The following KCNJ3 variants were observed in gnomAD, a reference collection of about 807,000 sequenced individuals.
KCNJ3 encodes G protein-activated inward rectifier potassium channel 1.
A neutral mutation model predicts 39.2 loss-of-function variants in KCNJ3; 4 were observed. That is an observed-to-expected ratio of 0.10 (90% CI 0.05 to 0.23). The LOEUF is 0.23. Among genes scored for constraint, KCNJ3 ranks in the 10% least tolerant of loss-of-function variants. The probability of loss-of-function intolerance (pLI) is 1.00; values close to 1 mark genes in which losing one functional copy is unlikely to be tolerated. For synonymous variants in KCNJ3, 230 were observed against 237.4 expected (o/e 0.97, Z 0.29); for missense variants, 276 against 634.9 (o/e 0.43, Z 6.08).
In KCNJ3 at chr2:154,851,542, T is replaced by C. The variant is rs531824261; in HGVS notation, c.920-3185T>C. ...CTAGTTGATAAAGGAGAAAACAGGGTGAGAGAGCTTTAGGTAATTTTCACA... is the reference window on the plus strand; with the variant it reads ...CTAGTTGATAAAGGAGAAAACAGGGCGAGAGAGCTTTAGGTAATTTTCACA... On this transcript the variant is annotated intron_variant, in intron 2 of 2. Coordinates refer to ENST00000295101, the MANE Select transcript of KCNJ3 (RefSeq NM_002239.4). Among the ~76,000 whole-genome samples the C allele has an allele frequency of 3.9e-4, 59 of 152,302 alleles. 2 individuals carry two copies. Among genetic ancestry groups the C allele is most frequent in the African/African-American group, 1.4e-3 (58 of 41,568 alleles).
At chr2:154,711,241 T>C (rs1209077138) in intron 2 of KCNJ3, among the ~76,000 whole-genome samples, 2 of 152,122 alleles carry the variant, frequency 1.3e-5, no homozygotes, top group African/African-American at 4.8e-5. Context: ...TAAAGGCTCG[T>C]AGTCCAAGAA....
At chr2:154,846,848 A>ATTC (rs1439074102) in intron 2 of KCNJ3, among the ~76,000 whole-genome samples, 1 of 152,144 alleles carries the variant, frequency 6.6e-6, no homozygotes, top group African/African-American at 2.4e-5. Context: ...TGTTTCTAAA[A>ATTC]TTCTTATTGA....
rs1482429732 is a variant in KCNJ3, at chr2:154,826,538, A to C, written c.920-28189A>C. ...ATTACTATTTTCACATATATAATTT[A>C]CTAAAAATTGTCATTAAAATAAGCT... On this transcript the variant is annotated intron_variant, in intron 2 of 2. Transcript: ENST00000295101. Among the ~76,000 whole-genome samples, 4 of 152,228 alleles carry C rather than the reference A, an allele frequency of 2.6e-5. No homozygotes were observed. The East Asian group carries it at 7.7e-4, about 29-fold the overall frequency.
intron 2 of KCNJ3, among the ~76,000 whole-genome samples, chr2:154,749,685 T>A (rs1020197553): frequency 6.6e-6 from 1 of 152,082 alleles, no homozygotes; most frequent in Non-Finnish European, 1.5e-5. Context: ...TCATTTTCCC[T>A]TATCTGTAAA....
chr2:154,735,667 T>C (rs1302848697), intron 2 of KCNJ3, among the ~76,000 whole-genome samples: 1 of 152,222 alleles, frequency 6.6e-6, no homozygotes, highest in Non-Finnish European at 1.5e-5. Context: ...AATTTAAAAA[T>C]GGAACTAGAC....
rs550238812 is a variant in KCNJ3, at chr2:154,780,915, C to T, written c.919+71096C>T. Among the ~76,000 whole-genome samples, 31 of 152,148 alleles carry T rather than the reference C, an allele frequency of 2.0e-4. No individual in the cohort carries two copies. In the South Asian group the frequency reaches 6.2e-3, roughly 31 times the overall value. On this transcript the variant is annotated intron_variant, in intron 2 of 2. Transcript: ENST00000295101. Reference sequence around the variant, plus strand: ...CAGCTAAATATGCTGCGTTACTTGACAAAGGGAAATTAAGGCAGCAGAAGG... The same window carrying T: ...CAGCTAAATATGCTGCGTTACTTGATAAAGGGAAATTAAGGCAGCAGAAGG...
In KCNJ3 at chr2:154,836,065, C is replaced by CCTGG. The variant is rs537234655; in HGVS notation, c.920-18660_920-18657dup. ...GTCTTACTAAAAATACAAAAATTAA[C>CCTGG]CTGGCGTGGTGGCATGCGCCTGTAG... On this transcript the variant is annotated intron_variant, in intron 2 of 2. Coordinates refer to ENST00000295101, the MANE Select transcript of KCNJ3 (RefSeq NM_002239.4). 2.0e-4 allele frequency among the ~76,000 whole-genome samples: 30 copies of CCTGG among 152,068 alleles called. No homozygotes were observed. In the South Asian group the frequency reaches 5.6e-3, roughly 28 times the overall value.
chr2:154,761,325 A>G (rs1373624139), intron 2 of KCNJ3, among the ~76,000 whole-genome samples: 1 of 152,096 alleles, frequency 6.6e-6, no homozygotes, highest in African/African-American at 2.4e-5. Context: ...TAACTTCCTC[A>G]GTGATATGTA....
intron 2 of KCNJ3, among the ~76,000 whole-genome samples, chr2:154,832,834 A>G (rs1574479174): frequency 6.6e-6 from 1 of 152,182 alleles, no homozygotes; most frequent in African/African-American, 2.4e-5. Context: ...AAATCTACGT[A>G]TTTCTTGCCT....
intron 2 of KCNJ3, among the ~76,000 whole-genome samples, chr2:154,716,922 T>C (rs975848280): frequency 2.6e-5 from 4 of 152,216 alleles, no homozygotes; most frequent in African/African-American, 9.6e-5. Context: ...AGGTTCAAGA[T>C]AGTATAAGAT....
At chr2:154,849,318 TTTTTGTTTTGTTTTG>T (rs564869541) in intron 2 of KCNJ3, among the ~76,000 whole-genome samples, 1 of 152,088 alleles carries the variant, frequency 6.6e-6, no homozygotes, top group African/African-American at 2.4e-5. Flanking sequence ...GCTCTTCTGT[TTTTTGTTTTGTTTTG>T]TTTTGTTTTG....
rs1164181946 is a variant in KCNJ3, at chr2:154,793,458, G to A, written c.920-61269G>A. 2.0e-5 allele frequency among the ~76,000 whole-genome samples: 3 copies of A among 152,002 alleles called. No homozygotes were observed. The East Asian group carries it at 5.8e-4, about 29-fold the overall frequency. The stretch of plus-strand genomic sequence containing the variant: ...GAAAACAAGGAACACCCCACTGTAT[G>A]AGTGGTCTTCCTTTTAACATCTTTT... On this transcript the variant is annotated intron_variant, in intron 2 of 2. Transcript: ENST00000295101.
At chr2:154,745,128 G>A (rs979182796) in intron 2 of KCNJ3, among the ~76,000 whole-genome samples, 1 of 151,848 alleles carries the variant, frequency 6.6e-6, no homozygotes, top group African/African-American at 2.4e-5. Flanking sequence ...GCTGAGGCTT[G>A]TTCTATGGTC....
At chr2:154,821,963 A>C (rs761744302) in intron 2 of KCNJ3, among the ~76,000 whole-genome samples, 6 of 151,070 alleles carry the variant, frequency 4.0e-5, no homozygotes, top group Non-Finnish European at 8.9e-5. Context: ...TTTTTTTTTT[A>C]AATGTGCATC....
In KCNJ3 at chr2:154,858,325, G is replaced by A. The variant is rs1305922221; in HGVS notation, c.*3012G>A. 1.3e-5 allele frequency: 2 copies of A among 152,054 alleles called. No homozygotes were observed. The highest frequency in any genetic ancestry group is 3.9e-4 in the East Asian group (2 of 5,190). The allele number at this position is 152,054 out of a possible 1,614,324, so 9.4% of individuals were successfully genotyped here. A position where few individuals can be genotyped will look rare whatever the true frequency, so the allele number is the denominator to read the frequency against. ...CTAAATTATGAAGTCTGATATATTT[G>A]GATAAAAATAAAGAATTGCTTTTCT... On this transcript the variant is annotated 3_prime_UTR_variant, in exon 3 of 3. Coordinates refer to ENST00000295101, the MANE Select transcript of KCNJ3 (RefSeq NM_002239.4).
chr2:154,811,500 G>A (rs1687006893), intron 2 of KCNJ3, among the ~76,000 whole-genome samples: 1 of 152,052 alleles, frequency 6.6e-6, no homozygotes, highest in Non-Finnish European at 1.5e-5. Flanking sequence ...CACCATGTTG[G>A]CCAGGCTGGT....
intron 2 of KCNJ3, among the ~76,000 whole-genome samples, chr2:154,767,937 G>C (rs1686164259): frequency 6.6e-6 from 1 of 152,322 alleles, no homozygotes; most frequent in African/African-American, 2.4e-5. Context: ...CTGATGGCCA[G>C]TGATGGTGAG....
At position 154,715,855 on chromosome 2, in the gene KCNJ3, T is replaced by G. The variant is rs185075359; in HGVS notation, c.919+6036T>G. ...CTATCTCAATTTTTTATTACTTATCTCCTAGTTTTGGATCTTGAGACATTT... is the reference window on the plus strand; with the variant it reads ...CTATCTCAATTTTTTATTACTTATCGCCTAGTTTTGGATCTTGAGACATTT... On this transcript the variant is annotated intron_variant, in intron 2 of 2. Transcript: ENST00000295101. 3.5e-4 allele frequency among the ~76,000 whole-genome samples: 53 copies of G among 152,272 alleles called. No individual in the cohort carries two copies. In the East Asian group the frequency reaches 0.01, roughly 29 times the overall value.
At chr2:154,777,151 A>C (rs932244476) in intron 2 of KCNJ3, among the ~76,000 whole-genome samples, 2 of 152,230 alleles carry the variant, frequency 1.3e-5, no homozygotes, top group Admixed American at 1.3e-4. Context: ...ATCTCCATAC[A>C]TAATGCACAT....
Sources: gnomAD v4.1 joint callset for allele counts (sites outside exome capture counted in the v4.1 genomes callset) on GRCh38, gnomAD v4.1.1 for gene constraint, MANE v1.5 for transcripts, NCBI Gene and HGNC (gene_info 2026-07-23, HGNC 2026-07-21) for gene names.